COL23A1: variants seen among roughly 807,000 people sequenced by gnomAD.
COL23A1 encodes the protein collagen type XXIII alpha 1 chain, also known as collagen alpha-1(XXIII) chain.
COL23A1 carries 97 observed loss-of-function variants against 99.3 expected under a neutral mutation model. The observed-to-expected ratio is 0.98, with a 90% CI of 0.83 to 1.16. The LOEUF (loss-of-function observed/expected upper bound fraction) is 1.16. Ranked by LOEUF, COL23A1 falls within the 50% of genes most tolerant of loss-of-function variation. COL23A1 has a pLI of 0.00. For synonymous variants in COL23A1, 320 were observed against 308.2 expected (o/e 1.04, Z -0.40); for missense variants, 762 against 757.4 (o/e 1.01, Z -0.07).
chr5:178,269,287 TCATCCATCCATCCATC>T (rs375433031), intron 6 of COL23A1, among the ~76,000 whole-genome samples: 15 of 140,158 alleles, frequency 1.1e-4, no homozygotes, highest in Middle Eastern at 3.6e-3. Context: ...CCTGTATGAG[TCATCCATCCATCCATC>T]CATCCATCCA....
rs75977448 is a variant in COL23A1 at position 178,294,572 on chromosome 5, A to G, written c.407-4203T>C. Among the ~76,000 whole-genome samples, 1,292 of 146,132 alleles carry G rather than the reference A, an allele frequency of 8.8e-3. 103 individuals are homozygous for G. Among genetic ancestry groups the G allele is most frequent in the African/African-American group, 0.034 (1,213 of 35,792 alleles). ...ACCTGAGCCTCTGGAAACAGTAAGG[A>G]GAGATGTGTTATAACCACTAGTTAT... On this transcript the variant is annotated intron_variant, in intron 3 of 28. Coordinates refer to ENST00000390654, the MANE Select transcript of COL23A1 (RefSeq NM_173465.4).
intron 1 of COL23A1, among the ~76,000 whole-genome samples, chr5:178,574,637 A>C (rs1317897805): frequency 1.3e-5 from 2 of 152,234 alleles, no homozygotes; most frequent in Non-Finnish European, 2.9e-5. Context: ...CCACAAATAT[A>C]CACACTGTGA....
Position 178,366,776 on chromosome 5 carries a change from C to T in COL23A1, c.362-59857G>A, listed in dbSNP as rs1762506013. On this transcript the variant is annotated intron_variant, in intron 2 of 28. Transcript: ENST00000390654. The surrounding 1 kb of genome is among the most constrained non-coding windows in gnomAD (Gnocchi z 4.4). ...TGCTTCTGCTGGTCTAAATCATTAT[C>T]TATTGCTGAGGCTCACAGCAGATGT... Among the ~76,000 whole-genome samples the T allele has an allele frequency of 6.6e-6, 1 of 152,220 alleles. No individual in the cohort carries two copies. The highest frequency in any genetic ancestry group is 2.4e-5 in the African/African-American group (1 of 41,446).
At chr5:178,588,135 GA>G in intron 1 of COL23A1, among the ~76,000 whole-genome samples, 1 of 152,332 alleles carries the variant, frequency 6.6e-6, no homozygotes, top group South Asian at 2.1e-4. Flanking sequence ...AACAGAGAGA[GA>G]GAGAGAACAC....
intron 2 of COL23A1, among the ~76,000 whole-genome samples, chr5:178,413,262 G>C (rs1456353114): frequency 6.6e-6 from 1 of 152,170 alleles, no homozygotes. Context: ...AGGCTATTTT[G>C]CTTTTGGATA....
chr5:178,562,013 CAGA>C (rs951498875), intron 1 of COL23A1: 11 of 504,318 alleles, frequency 2.2e-5, no homozygotes, highest in African/African-American at 7.8e-5. Context: ...GATCCTAAAA[CAGA>C]AGAAGTTACC....
At chr5:178,286,625 G>A (rs558630134) in intron 5 of COL23A1, among the ~76,000 whole-genome samples, 1 of 152,322 alleles carries the variant, frequency 6.6e-6, no homozygotes, top group East Asian at 1.9e-4. Context: ...GCCACGCCCA[G>A]CTACTCCATC....
intron 2 of COL23A1, among the ~76,000 whole-genome samples, chr5:178,402,043 T>C (rs1344015428): frequency 6.6e-6 from 1 of 152,218 alleles, no homozygotes; most frequent in East Asian, 1.9e-4. Context: ...CTCAAACTCC[T>C]GACCTCAGGT....
rs1242746107 is a variant in COL23A1, at chr5:178,310,414, C to T, written c.362-3495G>A. On this transcript the variant is annotated intron_variant, in intron 2 of 28. Coordinates refer to ENST00000390654, the MANE Select transcript of COL23A1 (RefSeq NM_173465.4). The surrounding 1 kb of genome is among the most constrained non-coding windows in gnomAD (Gnocchi z 4.3). ...GTGAGCATGAACTTGGGACCCTTTT[C>T]CTCCAGGACTCCCTGTGCCCGCCCC... Among the ~76,000 whole-genome samples the T allele has an allele frequency of 6.6e-6, 1 of 152,238 alleles. No individual in the cohort carries two copies. Among genetic ancestry groups the T allele is most frequent in the African/African-American group, 2.4e-5 (1 of 41,468 alleles).
chr5:178,256,729 GC>G, intron 14 of COL23A1, 136 bp downstream of exon 14: 2 of 805,816 alleles, frequency 2.5e-6, no homozygotes, highest in Non-Finnish European at 3.9e-6. Flanking sequence ...TTCTGAGAGT[GC>G]TGAGGGAGAC....
chr5:178,338,343 G>C (rs970347130), intron 2 of COL23A1, among the ~76,000 whole-genome samples: 1 of 152,222 alleles, frequency 6.6e-6, no homozygotes, highest in Non-Finnish European at 1.5e-5. Context: ...GATAGCAAAG[G>C]CTGGTCAAGC....
At chr5:178,316,596 C>T (rs898258811) in intron 2 of COL23A1, among the ~76,000 whole-genome samples, 1 of 152,056 alleles carries the variant, frequency 6.6e-6, no homozygotes, top group Admixed American at 6.6e-5. Context: ...TGCCTTCATG[C>T]CTTTATAAAT....
rs555527091 is a variant in COL23A1 at position 178,471,515 on chromosome 5, G to A, written c.361+89167C>T. Among the ~76,000 whole-genome samples the A allele has an allele frequency of 3.3e-4, 39 of 117,408 alleles. 1 individual carries two copies. Among genetic ancestry groups the A allele is most frequent in the South Asian group, 1.2e-3 (4 of 3,344 alleles). The allele number at this position is 117,408 out of a possible 152,430, so 77.0% of individuals were successfully genotyped here. On this transcript the variant is annotated intron_variant, in intron 2 of 28. Transcript: ENST00000390654. ...CGGCCTCCCAAAGTGCTCGGATTAC[G>A]GGTGTGAGCCACTGTGCCTTGGCCT...
intron 5 of COL23A1, among the ~76,000 whole-genome samples, chr5:178,275,828 C>CG (rs750797000): frequency 1.1e-4 from 16 of 152,294 alleles, no homozygotes; most frequent in Admixed American, 3.3e-4. Context: ...TTCAGCCCCC[C>CG]GGTCCTGACC....
At chr5:178,290,774 T>C (rs1269580709) in intron 3 of COL23A1, among the ~76,000 whole-genome samples, 2 of 152,078 alleles carry the variant, frequency 1.3e-5, no homozygotes, top group East Asian at 3.9e-4. Flanking sequence ...GAGAGAATAC[T>C]GGGAGGAATG....
chr5:178,518,661 T>TCTCAGACGATG (rs1562046998), intron 2 of COL23A1, among the ~76,000 whole-genome samples: 3 of 106,652 alleles, frequency 2.8e-5, no homozygotes, highest in East Asian at 2.4e-4. Context: ...CTAGATGGGA[T>TCTCAGACGATG]GGCGGCCGGG....
chr5:178,323,188 TC>T (rs954734928), intron 2 of COL23A1, among the ~76,000 whole-genome samples: 1 of 152,128 alleles, frequency 6.6e-6, no homozygotes, highest in African/African-American at 2.4e-5. Context: ...CAAATGGTCC[TC>T]ACCATGCCCT....
At chr5:178,418,535 G>A (rs539825517) in intron 2 of COL23A1, among the ~76,000 whole-genome samples, 10 of 152,316 alleles carry the variant, frequency 6.6e-5, no homozygotes, top group Non-Finnish European at 1.0e-4. Flanking sequence ...GCCTGGTATC[G>A]GCCTGCTGCC....
Position 178,504,196 on chromosome 5 carries a change from C to T in COL23A1, c.361+56486G>A, listed in dbSNP as rs141069648. 1.1e-3 allele frequency among the ~76,000 whole-genome samples: 166 copies of T among 152,132 alleles called. 2 individuals are homozygous for T. The highest frequency in any genetic ancestry group is 3.8e-3 in the African/African-American group (158 of 41,482). On this transcript the variant is annotated intron_variant, in intron 2 of 28. Transcript: ENST00000390654. ...CCCCACAATTTCCCATACAATCGCA[C>T]CCCCGACCCCCGATTTCCGATATTC...
Sources: allele counts gnomAD v4.1 joint callset (sites outside exome capture counted in the v4.1 genomes callset), GRCh38; gene constraint gnomAD v4.1.1; non-coding constraint Gnocchi (gnomAD v3.1); transcripts MANE v1.5; gene names NCBI Gene and HGNC (gene_info 2026-07-23, HGNC 2026-07-21).